CDKAL1: variants seen among roughly 807,000 people sequenced by gnomAD.
CDKAL1 encodes the protein threonylcarbamoyladenosine tRNA methylthiotransferase.
In CDKAL1, 32 loss-of-function variants were observed where a neutral mutation model predicts 68.2. The ratio of observed to expected loss-of-function variants is 0.47; its 90% CI spans 0.35 to 0.63. The LOEUF is 0.63. Among genes scored for constraint, CDKAL1 ranks in the 30% least tolerant of loss-of-function variants. CDKAL1 has a pLI of 0.00. For synonymous variants in CDKAL1, 234 were observed against 244.3 expected, an observed-to-expected ratio of 0.96 and a Z score of 0.39; for missense variants, 606 against 696.7, an observed-to-expected ratio of 0.87 and a Z score of 1.47.
At chr6:20,985,331 T>C (rs1454443081) in intron 10 of CDKAL1, among the ~76,000 whole-genome samples, 1 of 152,234 alleles carries the variant, frequency 6.6e-6, no homozygotes, top group Non-Finnish European at 1.5e-5. Flanking sequence ...TTCACTCTTG[T>C]TGCCCAGGCT....
intron 4 of CDKAL1, among the ~76,000 whole-genome samples, chr6:20,584,864 C>A (rs1009378907): frequency 1.3e-5 from 2 of 152,070 alleles, no homozygotes; most frequent in African/African-American, 4.8e-5. Context: ...ACTCTGAGGT[C>A]CCTCTGTTGC....
intron 5 of CDKAL1, among the ~76,000 whole-genome samples, chr6:20,689,598 A>G (rs1434497128): frequency 6.6e-6 from 1 of 152,196 alleles, no homozygotes; most frequent in Non-Finnish European, 1.5e-5. Context: ...CCCCACAACC[A>G]TTTTTAGGGG....
chr6:20,958,900 A>T (rs993124287), intron 10 of CDKAL1, among the ~76,000 whole-genome samples: 1 of 151,834 alleles, frequency 6.6e-6, no homozygotes, highest in Non-Finnish European at 1.5e-5. Context: ...AACTTAAAAG[A>T]AAAAAAACCA....
intron 5 of CDKAL1, among the ~76,000 whole-genome samples, chr6:20,703,054 C>T (rs139020245): frequency 4.7e-4 from 72 of 152,312 alleles, no homozygotes; most frequent in African/African-American, 1.7e-3. Context: ...ATATGGTTTC[C>T]ATTAGAATAT....
chr6:20,798,573 C>G (rs1208867658), intron 8 of CDKAL1, among the ~76,000 whole-genome samples: 2 of 152,020 alleles, frequency 1.3e-5, no homozygotes, highest in African/African-American at 4.8e-5. Flanking sequence ...CCATGGAATA[C>G]TATGCAGCCA....
chr6:20,665,687 G>A (rs553258640), intron 5 of CDKAL1, among the ~76,000 whole-genome samples: 2 of 140,724 alleles, frequency 1.4e-5, no homozygotes, highest in South Asian at 2.2e-4. Flanking sequence ...TAATTGAAAC[G>A]ATGTATAGAG....
At chr6:20,953,282 A>G (rs899271479) in intron 9 of CDKAL1, among the ~76,000 whole-genome samples, 3 of 152,110 alleles carry the variant, frequency 2.0e-5, no homozygotes, top group African/African-American at 7.2e-5. Flanking sequence ...TATGGATGTT[A>G]TTTCCATTCC....
chr6:20,905,428 A>G (rs906172030), intron 9 of CDKAL1, among the ~76,000 whole-genome samples: 1 of 152,218 alleles, frequency 6.6e-6, no homozygotes, highest in Non-Finnish European at 1.5e-5. Context: ...GGAAACATGA[A>G]TGGAGTATAA....
intron 4 of CDKAL1, among the ~76,000 whole-genome samples, chr6:20,623,429 A>G (rs763184317): frequency 6.6e-6 from 1 of 152,108 alleles, no homozygotes; most frequent in Non-Finnish European, 1.5e-5. Context: ...ATTTTGTAGC[A>G]CTTAAGTGAT....
intron 13 of CDKAL1, among the ~76,000 whole-genome samples, chr6:21,136,010 A>C (rs1331880470): frequency 1.3e-5 from 2 of 152,196 alleles, no homozygotes; most frequent in African/African-American, 2.4e-5. Context: ...AATGAATCTT[A>C]ATGTTTTTGC....
chr6:20,943,354 A>AG (rs1433338313), intron 9 of CDKAL1, among the ~76,000 whole-genome samples: 1 of 128,548 alleles, frequency 7.8e-6, no homozygotes, highest in African/African-American at 3.8e-5. Flanking sequence ...AGAAAAAGAA[A>AG]AAAAGAAAAA....
chr6:20,681,631 A>G (rs939332823), intron 5 of CDKAL1, among the ~76,000 whole-genome samples: 4 of 152,058 alleles, frequency 2.6e-5, no homozygotes, highest in African/African-American at 9.7e-5. Flanking sequence ...GTCAGCTGCT[A>G]TAATGTTAGT....
chr6:21,029,187 A>G (rs1056603187), intron 11 of CDKAL1, among the ~76,000 whole-genome samples: 3 of 152,130 alleles, frequency 2.0e-5, no homozygotes, highest in African/African-American at 7.2e-5. Context: ...AGCTGGGACT[A>G]CAGACAGGTG....
intron 13 of CDKAL1, among the ~76,000 whole-genome samples, chr6:21,182,885 A>G (rs1777844820): frequency 6.6e-6 from 1 of 152,206 alleles, no homozygotes; most frequent in Non-Finnish European, 1.5e-5. Flanking sequence ...TGCATGCCTT[A>G]GTATAAAATC....
At chr6:20,634,394 G>A (rs1045148416) in intron 4 of CDKAL1, among the ~76,000 whole-genome samples, 6 of 152,254 alleles carry the variant, frequency 3.9e-5, no homozygotes, top group African/African-American at 1.4e-4. Flanking sequence ...GCTGCAAATA[G>A]TATGTATCTT....
intron 5 of CDKAL1, among the ~76,000 whole-genome samples, chr6:20,685,163 G>T (rs184785014): frequency 2.0e-5 from 3 of 152,232 alleles, no homozygotes; most frequent in African/African-American, 7.2e-5. Flanking sequence ...GAGCCATTTC[G>T]ATCTAATTTT....
At chr6:21,192,313 G>A (rs148190797) in intron 13 of CDKAL1, among the ~76,000 whole-genome samples, 2,308 of 152,004 alleles carry the variant, frequency 0.015, 58 homozygotes, top group African/African-American at 0.052. Flanking sequence ...GAGCCACCGC[G>A]CCCGGCCATA....
At chr6:20,878,930 T>C (rs1760675801) in intron 9 of CDKAL1, among the ~76,000 whole-genome samples, 1 of 150,776 alleles carries the variant, frequency 6.6e-6, no homozygotes, top group Non-Finnish European at 1.5e-5. Context: ...AATACAAAAA[T>C]TAGTCAGGCA....
intron 9 of CDKAL1, among the ~76,000 whole-genome samples, chr6:20,880,550 T>C (rs1164414189): frequency 2.6e-5 from 4 of 152,142 alleles, no homozygotes; most frequent in South Asian, 2.1e-4. Flanking sequence ...CCACCGCGCC[T>C]GGCCAAGAAA....
Sources: allele counts gnomAD v4.1 joint callset (sites outside exome capture counted in the v4.1 genomes callset), GRCh38; gene constraint gnomAD v4.1.1; transcripts MANE v1.5; gene names NCBI Gene and HGNC (gene_info 2026-07-23, HGNC 2026-07-21).